WDR1: variants seen among roughly 807,000 people sequenced by gnomAD.
WDR1 encodes the protein WD repeat-containing protein 1.
A neutral mutation model predicts 71.9 loss-of-function variants in WDR1; 21 were observed. That is an observed-to-expected ratio of 0.29 (90% CI 0.21 to 0.42). The LOEUF (loss-of-function observed/expected upper bound fraction) is 0.42. Among genes scored for constraint, WDR1 ranks in the 10% least tolerant of loss-of-function variants. The pLI is 1.00. For missense variants in WDR1, 696 were observed against 824.5 expected (o/e 0.84, Z 1.91); for synonymous variants, 424 against 347.4 (o/e 1.22, Z -2.45).
At chr4:10,085,369 T>C (rs981175147) in intron 8 of WDR1, among the ~76,000 whole-genome samples, 3 of 152,236 alleles carry the variant, frequency 2.0e-5, no homozygotes, top group African/African-American at 7.2e-5. Flanking sequence ...CAGTTACCAG[T>C]GGGACTGGAG....
chr4:10,094,042 G>A (rs1712174710), intron 5 of WDR1, among the ~76,000 whole-genome samples: 1 of 152,214 alleles, frequency 6.6e-6, no homozygotes, highest in African/African-American at 2.4e-5. Context: ...TCCCCGCAGG[G>A]CAGAGGCAAT....
At chr4:10,077,136 G>C in intron 14 of WDR1, 168 bp downstream of exon 14, 1 of 988,284 alleles carries the variant, frequency 1.0e-6, no homozygotes, top group East Asian at 2.6e-5. Flanking sequence ...CAGCAGCGCA[G>C]CTGGTGTTTG....
At chr4:10,079,171 C>T (rs1405399850) in intron 11 of WDR1, among the ~76,000 whole-genome samples, 170 bp from the exon 12 acceptor site, 1 of 152,226 alleles carries the variant, frequency 6.6e-6, no homozygotes, top group African/African-American at 2.4e-5. Context: ...GGACTCATGT[C>T]CCGTTTGACA....
chr4:10,092,408 T>A (rs1312617572), intron 5 of WDR1: 2 of 152,600 alleles, frequency 1.3e-5, no homozygotes, highest in Non-Finnish European at 2.9e-5. Flanking sequence ...CAGTTCCAGG[T>A]CCCAGAAGCG....
intron 2 of WDR1, among the ~76,000 whole-genome samples, chr4:10,105,093 C>A (rs953422379): frequency 6.6e-6 from 1 of 152,220 alleles, no homozygotes; most frequent in Non-Finnish European, 1.5e-5. Flanking sequence ...CCTCTCCCTG[C>A]CTACGGACAC....
rs752164738 is a variant in WDR1, at chr4:10,116,096, G to T, written c.138+17C>A. ...TGGCTCCGGAGCAGAACCGCGCCCG[G>T]GGTAGGGGGTACTCACGTCGATGTT... is the stretch of plus-strand genomic sequence containing the variant. On this transcript the variant is annotated intron_variant, in intron 2 of 14. Transcript: ENST00000499869. 2.5e-6 allele frequency: 4 copies of T among 1,610,682 alleles called. No individual in the cohort carries two copies. The highest frequency in any genetic ancestry group is 2.5e-6 in the Non-Finnish European group (3 of 1,178,252).
intron 5 of WDR1, among the ~76,000 whole-genome samples, chr4:10,097,133 G>T (rs1712392932): frequency 6.6e-6 from 1 of 152,258 alleles, no homozygotes; most frequent in Admixed American, 6.5e-5. Context: ...GAGGAGGCTT[G>T]GCAAGGCCTG....
At chr4:10,088,057 G>A (rs760038585) in intron 7 of WDR1, 117 bp from the exon 8 acceptor site, 13 of 1,073,970 alleles carry the variant, frequency 1.2e-5, no homozygotes, top group Admixed American at 2.5e-5. Context: ...CCAGAGAGAG[G>A]GTGGGACATG....
chr4:10,107,306 C>T (rs181864647), intron 2 of WDR1, among the ~76,000 whole-genome samples: 4 of 152,334 alleles, frequency 2.6e-5, no homozygotes, highest in Admixed American at 1.3e-4. Context: ...TTGCCAACTC[C>T]CAACCCATCT....
At chr4:10,079,976 A>AAC (rs34766814) in intron 11 of WDR1, among the ~76,000 whole-genome samples, 16,477 of 152,004 alleles carry the variant, frequency 0.11, 1,155 homozygotes, top group East Asian at 0.31. Context: ...GCACCCTCCT[A>AAC]ACTCTTTGAC....
In WDR1 at chr4:10,075,241, T is replaced by C; in HGVS notation, c.*137A>G. 1.4e-6 allele frequency: 1 copy of C among 701,206 alleles called. No individual in the cohort carries two copies. The allele number at this position is 701,206 out of a possible 1,614,324, so 43.4% of individuals were successfully genotyped here. On this transcript the variant is annotated 3_prime_UTR_variant, in exon 15 of 15. Transcript: ENST00000499869. Reference sequence around the variant, plus strand: ...TACAGACACCCTGCAGAGACGAGGGTCATGACTGGGCCCTCCTGCCTCTTG... The same window carrying C: ...TACAGACACCCTGCAGAGACGAGGGCCATGACTGGGCCCTCCTGCCTCTTG...
intron 12 of WDR1, chr4:10,078,637 C>G (rs1371022283): frequency 2.5e-6 from 1 of 406,510 alleles, no homozygotes; most frequent in East Asian, 4.7e-5. Context: ...CTCTACCTCA[C>G]TGTCCACAGT....
Position 10,075,494 on chromosome 4 carries a change from A to G in WDR1, c.1715-10T>C. On this transcript the variant is annotated splice_polypyrimidine_tract_variant and intron_variant, in intron 14 of 14. Transcript: ENST00000499869. ...TGCAGCCGGTGTGCATCTGGGAAGA[A>G]AGGGTGCAATTTAACGAAAAGCCAA... The G allele has an allele frequency of 6.2e-7, 1 of 1,613,628 alleles. No homozygotes were observed.
chr4:10,093,868 A>T (rs1370191087), intron 5 of WDR1, among the ~76,000 whole-genome samples: 1 of 152,220 alleles, frequency 6.6e-6, no homozygotes, highest in Non-Finnish European at 1.5e-5. Flanking sequence ...CCCTGTCTTG[A>T]GTGAGGAAAT....
chr4:10,094,924 C>T (rs1357367415), intron 5 of WDR1: 1 of 152,278 alleles, frequency 6.6e-6, no homozygotes, highest in African/African-American at 2.4e-5. Context: ...TGTTCCTTTT[C>T]AAGGCAGCAG....
chr4:10,075,049 C>A lies in WDR1; in HGVS notation c.*329G>T. 2.5e-6 allele frequency: 1 copy of A among 408,088 alleles called. No homozygotes were observed. Among genetic ancestry groups the A allele is most frequent in the Non-Finnish European group, 4.4e-6 (1 of 228,750 alleles). The allele number at this position is 408,088 out of a possible 1,614,324, so 25.3% of individuals were successfully genotyped here. On this transcript the variant is annotated 3_prime_UTR_variant, in exon 15 of 15. Transcript: ENST00000499869. The stretch of plus-strand genomic sequence containing the variant: ...CCCTGACAGATAGTGAGAGCCGCGG[C>A]GGGGCCAGGGGCTCTGTGTGCTTTG...
chr4:10,111,877 T>A (rs1713389683), intron 2 of WDR1, among the ~76,000 whole-genome samples: 1 of 148,338 alleles, frequency 6.7e-6, no homozygotes, highest in Non-Finnish European at 1.5e-5. Flanking sequence ...AGTGTCAAAT[T>A]GCTATAAACC....
chr4:10,088,843 A>C, intron 5 of WDR1, 102 bp from the exon 6 acceptor site: 1 of 908,180 alleles, frequency 1.1e-6, no homozygotes, highest in Non-Finnish European at 1.8e-6. Context: ...GCTGTTCATC[A>C]GTGTGAACTG....
intron 3 of WDR1, among the ~76,000 whole-genome samples, chr4:10,100,798 C>G (rs1712637449): frequency 2.0e-5 from 3 of 152,318 alleles, no homozygotes; most frequent in South Asian, 4.1e-4. Context: ...GAGGAAGTCA[C>G]CACAGGCTGG....
Sources: allele counts gnomAD v4.1 joint callset (sites outside exome capture counted in the v4.1 genomes callset), GRCh38; gene constraint gnomAD v4.1.1; transcripts MANE v1.5; gene names NCBI Gene and HGNC (gene_info 2026-07-23, HGNC 2026-07-21).